The following MGAT3 variants were observed in gnomAD, a reference collection of about 807,000 sequenced individuals.
MGAT3 encodes GlcNAc-T III.
Under a neutral mutation model 29.8 loss-of-function variants are expected in MGAT3, and 9 were observed. The ratio of observed to expected loss-of-function variants is 0.30; its 90% CI spans 0.18 to 0.53. The LOEUF is 0.53. Ranked by LOEUF, MGAT3 falls within the 20% of genes least tolerant of loss-of-function variation. The probability of loss-of-function intolerance (pLI) is 0.96; values close to 1 mark genes in which losing one functional copy is unlikely to be tolerated. For missense variants in MGAT3, 557 were observed against 769.5 expected (o/e 0.72, Z 3.27); for synonymous variants, 397 against 348.9 (o/e 1.14, Z -1.54).
Position 39,487,678 on chromosome 22 carries a change from A to G in MGAT3, c.331A>G (p.Thr111Ala). Residue 111 changes from threonine to alanine, a missense_variant, in exon 2 of 2, where the codon ACC becomes GCC. This residue lies in a region of MGAT3 where 212 missense variants were observed against 228.5 expected (regional missense o/e 0.93). Coordinates refer to ENST00000341184, the MANE Select transcript of MGAT3 (RefSeq NM_002409.5). This position sits in a 1 kb window ranked among gnomAD's most constrained non-coding sequence, Gnocchi z 5.7. ...GGACACCACCGAGTATTTCGTGCGCACCAAGGCCGGCGGCGTCTGCTTCAA... is the reference window on the plus strand; with the variant it reads ...GGACACCACCGAGTATTTCGTGCGCGCCAAGGCCGGCGGCGTCTGCTTCAA... ...PEDTTEYFVR[T>A]KAGGVCFKPG... is the part of the protein sequence containing the mutation. The G allele has an allele frequency of 6.2e-7, 1 of 1,602,498 alleles. No homozygotes were observed. Among genetic ancestry groups the G allele is most frequent in the African/African-American group, 1.3e-5 (1 of 74,600 alleles).
chr22:39,471,659 A>G (rs1437916341), intron 1 of MGAT3, among the ~76,000 whole-genome samples: 2 of 151,584 alleles, frequency 1.3e-5, no homozygotes, highest in African/African-American at 4.9e-5. Context: ...TGTCCCCCAC[A>G]CCACACAGGG....
chr22:39,474,647 G>A (rs1928899707), intron 1 of MGAT3, among the ~76,000 whole-genome samples: 1 of 152,246 alleles, frequency 6.6e-6, no homozygotes, highest in Non-Finnish European at 1.5e-5. Context: ...TGGCCCTGCA[G>A]AGGGGACCCT....
Position 39,490,168 on chromosome 22 carries a change from AT to A in MGAT3, c.*1220del, listed in dbSNP as rs767924790. Reference sequence around the variant, plus strand: ...TGGTAGGGCAGCTCTGCGTTTCTTCATACGCACCTTCCAATTCTGGGTACAC... The same window carrying A: ...TGGTAGGGCAGCTCTGCGTTTCTTCAACGCACCTTCCAATTCTGGGTACAC... On this transcript the variant is annotated 3_prime_UTR_variant, in exon 2 of 2. Transcript: ENST00000341184. 1 of 167,084 alleles carries A rather than the reference AT, an allele frequency of 6.0e-6. No homozygotes were observed. Among genetic ancestry groups the A allele is most frequent in the Non-Finnish European group, 1.5e-5 (1 of 68,118 alleles). The allele number at this position is 167,084 out of a possible 1,614,324, so 10.4% of individuals were successfully genotyped here. A position where few individuals can be genotyped will look rare whatever the true frequency, so the allele number is the denominator to read the frequency against.
intron 1 of MGAT3, among the ~76,000 whole-genome samples, chr22:39,468,537 CT>C (rs1385314331): frequency 6.6e-6 from 1 of 152,218 alleles, no homozygotes; most frequent in Non-Finnish European, 1.5e-5. Flanking sequence ...GGAAGGGGCC[CT>C]TAGGATTCAC....
intron 1 of MGAT3, among the ~76,000 whole-genome samples, chr22:39,486,591 C>T (rs1225736487): frequency 2.0e-5 from 3 of 152,308 alleles, no homozygotes; most frequent in Non-Finnish European, 2.9e-5. Flanking sequence ...GCCTCAACCT[C>T]GAGGTCTCAA....
At position 39,487,551 on chromosome 22, in the gene MGAT3, C is replaced by T. The variant is rs763347731; in HGVS notation, c.204C>T (p.Asp68=). Residue 68 remains aspartate (D), a synonymous_variant, in exon 2 of 2, where the codon GAC becomes GAT. Transcript: ENST00000341184. This position sits in a 1 kb window ranked among gnomAD's most constrained non-coding sequence, Gnocchi z 5.7. ...PQASPEPGGP[D]LLRTPLYSHS... is the part of the protein sequence containing the mutation. ...CCAGCCCCGAGCCAGGAGGCCCTGA[C>T]CTGCTGCGTACCCCACTCTACTCCC... 6.2e-7 allele frequency: 1 copy of T among 1,612,954 alleles called. No homozygotes were observed. The highest frequency in any genetic ancestry group is 2.2e-5 in the East Asian group (1 of 44,870).
chr22:39,487,576 C>T lies in MGAT3; in HGVS notation c.229C>T (p.His77Tyr). 1.2e-6 allele frequency: 2 copies of T among 1,612,176 alleles called. No individual in the cohort carries two copies. The highest frequency in any genetic ancestry group is 1.7e-6 in the Non-Finnish European group (2 of 1,179,684). Residue 77 changes from histidine to tyrosine, a missense_variant, in exon 2 of 2, where the codon CAC (histidine) becomes TAC (tyrosine). Transcript: ENST00000341184. The surrounding 1 kb of genome is among the most constrained non-coding windows in gnomAD (Gnocchi z 5.7). ...CCTGCTGCGTACCCCACTCTACTCC[C>T]ACTCGCCCCTGCTGCAGCCGCTGCC... ...PDLLRTPLYS[H>Y]SPLLQPLPPS...
chr22:39,478,180 T>G (rs1408908383), intron 1 of MGAT3, among the ~76,000 whole-genome samples: 2 of 152,232 alleles, frequency 1.3e-5, no homozygotes, highest in Non-Finnish European at 2.9e-5. Context: ...TTGAACTAAC[T>G]CCTGGAGAGG....
At chr22:39,471,579 T>G in intron 1 of MGAT3, among the ~76,000 whole-genome samples, 1 of 140,344 alleles carries the variant, frequency 7.1e-6, no homozygotes. Flanking sequence ...ACCCCCGCCC[T>G]TCCGGCCATC....
At chr22:39,471,431 C>T (rs1400847241) in intron 1 of MGAT3, among the ~76,000 whole-genome samples, 2 of 152,164 alleles carry the variant, frequency 1.3e-5, no homozygotes, top group African/African-American at 2.4e-5. Context: ...CTTCCTTCCT[C>T]TAACCTGAAG....
rs138446234 is a variant in MGAT3, at chr22:39,476,087, C to G, written c.-1-11260C>G. 2.2e-3 allele frequency: 342 copies of G among 152,154 alleles called. 2 individuals are homozygous for G. Among genetic ancestry groups the G allele is most frequent in the Admixed American group, 3.5e-3 (53 of 15,272 alleles). The allele number at this position is 152,154 out of a possible 1,614,324, so 9.4% of individuals were successfully genotyped here. A position where few individuals can be genotyped will look rare whatever the true frequency, so the allele number is the denominator to read the frequency against. ...GGAACCAACTTTCCCAGGCACTTGC[C>G]GGCCACTCCGTGGGAAAGTCCTCAG... On this transcript the variant is annotated intron_variant, in intron 1 of 1. Coordinates refer to ENST00000341184, the MANE Select transcript of MGAT3 (RefSeq NM_002409.5).
rs1256980569 is a variant in MGAT3, at chr22:39,490,047, A to G, written c.*1098A>G. On this transcript the variant is annotated 3_prime_UTR_variant, in exon 2 of 2. Transcript: ENST00000341184. ...GGTGGGGATGTCTTTGTTGGAGTTG[A>G]TTCTGAGCTGCTGTGATTAGGAGAC... 1 of 167,342 alleles carries G rather than the reference A, an allele frequency of 6.0e-6. No individual in the cohort carries two copies. Among genetic ancestry groups the G allele is most frequent in the Non-Finnish European group, 1.5e-5 (1 of 68,180 alleles). The allele number at this position is 167,342 out of a possible 1,614,324, so 10.4% of individuals were successfully genotyped here. A position where few individuals can be genotyped will look rare whatever the true frequency, so the allele number is the denominator to read the frequency against.
Position 39,457,853 on chromosome 22 carries a change from G to T in MGAT3, c.-2+296G>T, listed in dbSNP as rs1414723516. On this transcript the variant is annotated intron_variant, in intron 1 of 1. Transcript: ENST00000341184. The surrounding 1 kb of genome is among the most constrained non-coding windows in gnomAD (Gnocchi z 6.8). ...GACCCCCTCCCACGGCCGGGCGGGGGACGTCCCCGAGGCGCGGGGCTCGAG... is the reference window on the plus strand; with the variant it reads ...GACCCCCTCCCACGGCCGGGCGGGGTACGTCCCCGAGGCGCGGGGCTCGAG... 6.6e-6 allele frequency among the ~76,000 whole-genome samples: 1 copy of T among 151,378 alleles called. No homozygotes were observed. The highest frequency in any genetic ancestry group is 2.4e-5 in the African/African-American group (1 of 41,346).
chr22:39,467,640 T>TTTTTC (rs200182706), intron 1 of MGAT3, among the ~76,000 whole-genome samples: 49 of 152,020 alleles, frequency 3.2e-4, no homozygotes, highest in African/African-American at 8.7e-4. Flanking sequence ...GCTTCCTTCT[T>TTTTTC]TTTTCTTTTC....
At position 39,487,011 on chromosome 22, in the gene MGAT3, G is replaced by A. The variant is rs1178173585; in HGVS notation, c.-1-336G>A. 6.6e-6 allele frequency among the ~76,000 whole-genome samples: 1 copy of A among 152,172 alleles called. No individual in the cohort carries two copies. The highest frequency in any genetic ancestry group is 6.5e-5 in the Admixed American group (1 of 15,282). On this transcript the variant is annotated intron_variant, in intron 1 of 1. Transcript: ENST00000341184. The surrounding 1 kb of genome is among the most constrained non-coding windows in gnomAD (Gnocchi z 5.7). ...TACTGCGAGTTGAGCTTTTCCCAAG[G>A]CGCATGTTACTCCTGGAGCCAAGCC...
At chr22:39,482,403 C>T (rs1451536396) in intron 1 of MGAT3, among the ~76,000 whole-genome samples, 1 of 152,214 alleles carries the variant, frequency 6.6e-6, no homozygotes, top group Non-Finnish European at 1.5e-5. Flanking sequence ...GTGGTCTCAG[C>T]TGTCATGAGG....
chr22:39,487,775 C>T lies in MGAT3; in HGVS notation c.428C>T (p.Ser143Phe). The T allele has an allele frequency of 1.3e-6, 2 of 1,497,334 alleles. No homozygotes were observed. The highest frequency in any genetic ancestry group is 1.8e-6 in the Non-Finnish European group (2 of 1,126,092). The allele number at this position is 1,497,334 out of a possible 1,614,324, so 92.8% of individuals were successfully genotyped here. A position where few individuals can be genotyped will look rare whatever the true frequency, so the allele number is the denominator to read the frequency against. Residue 143 changes from serine (S) to phenylalanine (F), a missense_variant, in exon 2 of 2, where the codon TCC becomes TTC. By Grantham distance (155) the Ser-to-Phe change is radical. Transcript: ENST00000341184. This position sits in a 1 kb window ranked among gnomAD's most constrained non-coding sequence, Gnocchi z 5.7. ...PEEKPEGANG[S>F]SARRPPRYLL... ...GAGAAGCCTGAGGGGGCCAACGGCT[C>T]CTCGGCCCGGCGGCCACCCCGGTAC...
chr22:39,475,188 G>A (rs1167755653), intron 1 of MGAT3, among the ~76,000 whole-genome samples: 1 of 148,694 alleles, frequency 6.7e-6, no homozygotes, highest in Non-Finnish European at 1.5e-5. Context: ...ATCTTGCGAG[G>A]AGCTCAGTGT....
chr22:39,467,958 T>C (rs554551265), intron 1 of MGAT3, among the ~76,000 whole-genome samples: 1 of 151,996 alleles, frequency 6.6e-6, no homozygotes, highest in East Asian at 1.9e-4. Context: ...CTCACCTTGA[T>C]GAGCAGCAGT....
Sources: allele counts gnomAD v4.1 joint callset (sites outside exome capture counted in the v4.1 genomes callset), GRCh38; gene constraint gnomAD v4.1.1; regional missense constraint gnomAD v4.1.1; non-coding constraint Gnocchi (gnomAD v3.1); transcripts MANE v1.5; gene names NCBI Gene and HGNC (gene_info 2026-07-23, HGNC 2026-07-21).